The following PON1 variants were observed in gnomAD, a reference collection of about 807,000 sequenced individuals.
PON1 encodes serum paraoxonase/arylesterase 1.
PON1 carries 37 observed loss-of-function variants against 39.2 expected under a neutral mutation model. The ratio of observed to expected loss-of-function variants is 0.94; its 90% confidence interval spans 0.73 to 1.24. The LOEUF (loss-of-function observed/expected upper bound fraction) is 1.24, where lower values mean the gene tolerates loss of function less well. PON1 is among the 50% of genes most tolerant of loss of function. The pLI is 0.00. For synonymous variants in PON1, 148 were observed against 152.2 expected (o/e 0.97, Z 0.21); for missense variants, 397 against 413.5 (o/e 0.96, Z 0.35).
intron 4 of PON1, among the ~76,000 whole-genome samples, chr7:95,313,618 ATGTGTGTGTGTGTGTG>A (rs3046663): frequency 6.1e-5 from 9 of 147,292 alleles, no homozygotes; most frequent in South Asian, 4.4e-4. Flanking sequence ...ATATATGTAT[ATGTGTGTGTGTGTGTG>A]TGTGTGTGTG....
intron 5 of PON1, 87 bp from the exon 6 acceptor site, chr7:95,308,298 C>T (rs895263743): frequency 6.4e-5 from 83 of 1,292,802 alleles, no homozygotes; most frequent in Non-Finnish European, 8.4e-5. Context: ...ACTGTCTATT[C>T]CTAAAATCAA....
chr7:95,317,977 T>C (rs1166986977), intron 2 of PON1, among the ~76,000 whole-genome samples: 1 of 152,158 alleles, frequency 6.6e-6, no homozygotes, highest in Non-Finnish European at 1.5e-5. Context: ...AAAAAAAAGT[T>C]ACCTTTATTC....
Position 95,302,186 on chromosome 7 carries a change from G to A in PON1, c.909+19C>T. 6.3e-7 allele frequency: 1 copy of A among 1,585,754 alleles called. No individual in the cohort carries two copies. Among genetic ancestry groups the A allele is most frequent in the Non-Finnish European group, 8.6e-7 (1 of 1,162,642 alleles). ...AGCTGGGAATAAAGTCACTTATCTGGTTCATTTTTAAAACTTACCTCTGAT... is the reference window on the plus strand; with the variant it reads ...AGCTGGGAATAAAGTCACTTATCTGATTCATTTTTAAAACTTACCTCTGAT... On this transcript the variant is annotated intron_variant, in intron 8 of 8. Coordinates refer to ENST00000222381, the MANE Select transcript of PON1 (RefSeq NM_000446.7).
In PON1 at chr7:95,299,043, T is replaced by G; in HGVS notation, c.969A>C (p.Glu323Asp). ...EEPKVTQVYAENGTVLQGSTV... is the reference protein window; with the variant it reads ...EEPKVTQVYADNGTVLQGSTV... ...TACTGCCTTGCAACACTGTGCCATTTTCTGCATAAACCTGTGTCACTTTAG... is the reference window on the plus strand; with the variant it reads ...TACTGCCTTGCAACACTGTGCCATTGTCTGCATAAACCTGTGTCACTTTAG... Residue 323 changes from glutamate (E) to aspartate (D), a missense_variant, in exon 9 of 9, where the codon GAA (glutamate) becomes GAC (aspartate). Transcript: ENST00000222381. 6.2e-7 allele frequency: 1 copy of G among 1,614,158 alleles called. No individual in the cohort carries two copies. The highest frequency in any genetic ancestry group is 8.5e-7 in the Non-Finnish European group (1 of 1,179,968).
chr7:95,310,657 C>T (rs1807633047), intron 5 of PON1, among the ~76,000 whole-genome samples: 1 of 152,190 alleles, frequency 6.6e-6, no homozygotes, highest in South Asian at 2.1e-4. Flanking sequence ...GTGCACACTA[C>T]ATACCAGGCC....
chr7:95,311,404 T>C (rs1476333100), intron 5 of PON1, 47 bp downstream of exon 5: 2 of 1,608,254 alleles, frequency 1.2e-6, no homozygotes, highest in East Asian at 4.5e-5. Context: ...GTGGATTAAC[T>C]ATCCGCTACA....
At chr7:95,313,441 T>A (rs1174949767) in intron 4 of PON1, among the ~76,000 whole-genome samples, 1 of 152,196 alleles carries the variant, frequency 6.6e-6, no homozygotes, top group African/African-American at 2.4e-5. Flanking sequence ...GATGTAGTGT[T>A]TAATGCAGAA....
At chr7:95,320,628 C>T (rs1211356263) in intron 1 of PON1, among the ~76,000 whole-genome samples, 1 of 152,220 alleles carries the variant, frequency 6.6e-6, no homozygotes, top group Non-Finnish European at 1.5e-5. Flanking sequence ...AGTATGAACA[C>T]AAAGCTCACA....
chr7:95,301,389 G>A (rs1217220053), intron 8 of PON1, among the ~76,000 whole-genome samples: 1 of 152,138 alleles, frequency 6.6e-6, no homozygotes, highest in Non-Finnish European at 1.5e-5. Context: ...GCATGGACCT[G>A]TGCGTATACC....
At chr7:95,314,019 G>A (rs1415296467) in intron 4 of PON1, among the ~76,000 whole-genome samples, 1 of 152,114 alleles carries the variant, frequency 6.6e-6, no homozygotes, top group Non-Finnish European at 1.5e-5. Context: ...TGCAGTATCA[G>A]GGAAGAGCAA....
intron 8 of PON1, among the ~76,000 whole-genome samples, chr7:95,300,013 A>G (rs958343284): frequency 3.3e-5 from 5 of 151,440 alleles, no homozygotes; most frequent in Non-Finnish European, 7.3e-5. Context: ...AAAAAACCAT[A>G]TCTGTGTACC....
chr7:95,311,602 T>C lies in PON1; in HGVS notation c.371-25A>G, dbSNP rs111665070. 15 of 1,613,788 alleles carry C rather than the reference T, an allele frequency of 9.3e-6. No homozygotes were observed. In the African/African-American group the frequency reaches 1.2e-4, roughly 13 times the overall value. ...TCTGAGAGGAGATTAAAAACAAAAA[T>C]GAAACATTAACTAAGCTCTCACTGT... On this transcript the variant is annotated intron_variant, in intron 4 of 8. Coordinates refer to ENST00000222381, the MANE Select transcript of PON1 (RefSeq NM_000446.7).
At position 95,297,868 on chromosome 7, in the gene PON1, G is replaced by A. The variant is rs975853303; in HGVS notation, c.*1076C>T. 1.3e-5 allele frequency: 2 copies of A among 152,142 alleles called. No individual in the cohort carries two copies. The highest frequency in any genetic ancestry group is 2.9e-5 in the Non-Finnish European group (2 of 68,030). The allele number at this position is 152,142 out of a possible 1,614,324, so 9.4% of individuals were successfully genotyped here. ...ACACCCTGAAGAAGTAATTCATCATGAAGGTTATACCTTCAAATCAGAAAA... is the reference window on the plus strand; with the variant it reads ...ACACCCTGAAGAAGTAATTCATCATAAAGGTTATACCTTCAAATCAGAAAA... On this transcript the variant is annotated 3_prime_UTR_variant, in exon 9 of 9. Coordinates refer to ENST00000222381, the MANE Select transcript of PON1 (RefSeq NM_000446.7).
chr7:95,308,450 T>C (rs1316398994), intron 5 of PON1, among the ~76,000 whole-genome samples: 2 of 152,012 alleles, frequency 1.3e-5, no homozygotes, highest in East Asian at 1.9e-4. Flanking sequence ...AATCCTATTA[T>C]ATGTATCTTA....
At chr7:95,321,945 TAGA>T (rs1055476866) in intron 1 of PON1, among the ~76,000 whole-genome samples, 1 of 152,192 alleles carries the variant, frequency 6.6e-6, no homozygotes, top group African/African-American at 2.4e-5. Flanking sequence ...TTGCTCCCAG[TAGA>T]CTTTAAAATT....
intron 8 of PON1, among the ~76,000 whole-genome samples, chr7:95,300,786 T>G (rs1042372161): frequency 2.6e-5 from 4 of 152,188 alleles, no homozygotes; most frequent in African/African-American, 9.7e-5. Context: ...GAATCTAACA[T>G]TCTGCTCAGT....
chr7:95,317,342 A>C (rs1278456064), intron 2 of PON1, among the ~76,000 whole-genome samples: 1 of 152,130 alleles, frequency 6.6e-6, no homozygotes, highest in Non-Finnish European at 1.5e-5. Flanking sequence ...CTTTAAGTAC[A>C]TGTAAATTTT....
At chr7:95,311,694 A>G (rs138897156) in intron 4 of PON1, 117 bp from the exon 5 acceptor site, 1 of 1,091,268 alleles carries the variant, frequency 9.2e-7, no homozygotes, top group African/African-American at 1.6e-5. Context: ...AGGCAGATGG[A>G]ATATTTTCAT....
At chr7:95,316,149 A>G (rs187630263) in intron 3 of PON1, among the ~76,000 whole-genome samples, 2 of 152,264 alleles carry the variant, frequency 1.3e-5, no homozygotes, top group East Asian at 3.9e-4. Context: ...GTCGTTTCCT[A>G]TCAACTCTGT....
Sources: allele counts gnomAD v4.1 joint callset (sites outside exome capture counted in the v4.1 genomes callset), GRCh38; gene constraint gnomAD v4.1.1; transcripts MANE v1.5; gene names NCBI Gene and HGNC (gene_info 2026-07-23, HGNC 2026-07-21).